Variants in LDLRAP1 observed in about 807,000 individuals in gnomAD.
LDLRAP1 encodes the protein low density lipoprotein receptor adaptor protein 1, also known as low density lipoprotein receptor adapter protein 1.
A neutral mutation model predicts 37.8 loss-of-function variants in LDLRAP1; 30 were observed. That is an observed-to-expected ratio of 0.79 (90% CI 0.59 to 1.08). The LOEUF (loss-of-function observed/expected upper bound fraction) is 1.08, where lower values mean the gene tolerates loss of function less well. Among genes scored for constraint, LDLRAP1 ranks in the 50% least tolerant of loss-of-function variants. LDLRAP1 has a pLI of 0.00. For synonymous variants in LDLRAP1, 156 were observed against 169.8 expected, an observed-to-expected ratio of 0.92 and a Z score of 0.63; for missense variants, 375 against 401.6, an observed-to-expected ratio of 0.93 and a Z score of 0.57.
chr1:25,586,633 G>T, the LDLRAP1 span, among the ~76,000 whole-genome samples: 1 of 152,064 alleles, frequency 6.6e-6, no homozygotes, highest in Non-Finnish European at 1.5e-5. The surrounding 1 kb of genome is among the most constrained non-coding windows in gnomAD (Gnocchi z 4.3). Flanking sequence ...GCTGAGTTAG[G>T]AAGTCTGGAG....
chr1:25,546,795 A>C (rs1396880239), intron 1 of LDLRAP1, among the ~76,000 whole-genome samples: 1 of 151,554 alleles, frequency 6.6e-6, no homozygotes, highest in Non-Finnish European at 1.5e-5. Flanking sequence ...ATGTGGCCCA[A>C]CACAAATTCA....
At chr1:25,577,497 C>T in the LDLRAP1 span, among the ~76,000 whole-genome samples, 1 of 152,172 alleles carries the variant, frequency 6.6e-6, no homozygotes, top group Non-Finnish European at 1.5e-5. Flanking sequence ...AGACAGTTAC[C>T]ACGCCCAGTG....
In LDLRAP1 at chr1:25,554,125, G is replaced by A. The variant is rs1310806311; in HGVS notation, c.231+61G>A. 6.2e-7 allele frequency: 1 copy of A among 1,600,154 alleles called. No homozygotes were observed. The highest frequency in any genetic ancestry group is 8.5e-7 in the Non-Finnish European group (1 of 1,174,444). ...GGACCAAGGACCAGCTTCTTCCCAG[G>A]GTGCCCTCGTCCCAGCTTGTTACTC... On this transcript the variant is annotated intron_variant, in intron 2 of 8. Coordinates refer to ENST00000374338, the MANE Select transcript of LDLRAP1 (RefSeq NM_015627.3). This position sits in a 1 kb window ranked among gnomAD's most constrained non-coding sequence, Gnocchi z 5.4.
At position 25,554,843 on chromosome 1, in the gene LDLRAP1, T is replaced by C. The variant is rs1572035316; in HGVS notation, c.232-17T>C. The C allele has an allele frequency of 6.2e-7, 1 of 1,601,250 alleles. No homozygotes were observed. Among genetic ancestry groups the C allele is most frequent in the South Asian group, 1.1e-5 (1 of 90,434 alleles). On this transcript the variant is annotated splice_polypyrimidine_tract_variant and intron_variant, in intron 2 of 8. Coordinates refer to ENST00000374338, the MANE Select transcript of LDLRAP1 (RefSeq NM_015627.3). This position sits in a 1 kb window ranked among gnomAD's most constrained non-coding sequence, Gnocchi z 5.4. The stretch of plus-strand genomic sequence containing the variant: ...AGTGAGGCTGGCAGACTCCTCTGAC[T>C]CCTGTCTGCTCCCAAGGCTAAGGCC...
the LDLRAP1 span, among the ~76,000 whole-genome samples, chr1:25,587,645 C>T: frequency 2.0e-5 from 3 of 152,074 alleles, no homozygotes; most frequent in African/African-American, 4.8e-5. Context: ...TTTCACCGAG[C>T]GGAGCTGTGG....
chr1:25,573,234 C>T (rs1290908351), downstream of LDLRAP1, among the ~76,000 whole-genome samples: 1 of 152,174 alleles, frequency 6.6e-6, no homozygotes, highest in Non-Finnish European at 1.5e-5. Flanking sequence ...CAGGCCCCGC[C>T]ACGTTGAGAC....
chr1:25,546,370 G>A (rs1235155047), intron 1 of LDLRAP1, among the ~76,000 whole-genome samples: 1 of 152,188 alleles, frequency 6.6e-6, no homozygotes, highest in East Asian at 1.9e-4. Context: ...CCAGAGAAGG[G>A]CAGCACCTTG....
chr1:25,572,564 C>T (rs1439301988), downstream of LDLRAP1, among the ~76,000 whole-genome samples: 1 of 152,146 alleles, frequency 6.6e-6, no homozygotes, highest in East Asian at 1.9e-4. Context: ...GTTCCCCAGC[C>T]CACCCACTGA....
chr1:25,566,260 A>G (rs1159506205), intron 8 of LDLRAP1, among the ~76,000 whole-genome samples: 2 of 152,084 alleles, frequency 1.3e-5, no homozygotes, highest in Non-Finnish European at 2.9e-5. Context: ...TGATCAGCTC[A>G]TCGTATTTGC....
intron 4 of LDLRAP1, among the ~76,000 whole-genome samples, chr1:25,560,583 G>A (rs1243497584): frequency 2.0e-5 from 3 of 152,212 alleles, no homozygotes; most frequent in African/African-American, 4.8e-5. Flanking sequence ...CAGGCAGCAC[G>A]GGGCCAGGCT....
At chr1:25,552,507 C>A (rs1190022188) in intron 1 of LDLRAP1, among the ~76,000 whole-genome samples, 2 of 152,210 alleles carry the variant, frequency 1.3e-5, no homozygotes, top group Non-Finnish European at 2.9e-5. Context: ...GTGTGTGAGG[C>A]TGAAGAGCAG....
the LDLRAP1 span, among the ~76,000 whole-genome samples, chr1:25,576,258 G>A: frequency 6.6e-6 from 1 of 151,290 alleles, no homozygotes; most frequent in Non-Finnish European, 1.5e-5. Flanking sequence ...CAGACGTGGT[G>A]GCTCACGCCT....
In LDLRAP1 at chr1:25,566,915, G is replaced by A. The variant is rs144622500; in HGVS notation, c.850G>A (p.Ala284Thr). 1.8e-4 allele frequency: 285 copies of A among 1,613,456 alleles called. No homozygotes were observed. Among genetic ancestry groups the A allele is most frequent in the Non-Finnish European group, 2.3e-4 (267 of 1,179,946 alleles). Residue 284 changes from alanine to threonine, a missense_variant, in exon 9 of 9, where the codon GCC becomes ACC. By Grantham distance (58) the Ala-to-Thr change is moderately conservative (BLOSUM62 0). Coordinates refer to ENST00000374338, the MANE Select transcript of LDLRAP1 (RefSeq NM_015627.3). ...CCTGACAGCCCAGGACATGCATTAC[G>A]CCCAGTGCCTCTCGCCTGTCGACTG... is the stretch of plus-strand genomic sequence containing the variant. ...TGLTAQDMHY[A>T]QCLSPVDWDK...
chr1:25,589,304 A>AAG, the LDLRAP1 span, among the ~76,000 whole-genome samples: 23 of 149,022 alleles, frequency 1.5e-4, no homozygotes, highest in African/African-American at 4.8e-4. Context: ...ACTCCATCTC[A>AAG]AAAGAAAGAA....
intron 1 of LDLRAP1, among the ~76,000 whole-genome samples, chr1:25,553,129 G>C (rs2044114540): frequency 6.6e-6 from 1 of 151,564 alleles, no homozygotes; most frequent in South Asian, 2.1e-4. Flanking sequence ...GATGCGCACA[G>C]GGAGGAAAGC....
chr1:25,547,806 A>C (rs900115710), intron 1 of LDLRAP1, among the ~76,000 whole-genome samples: 1 of 152,230 alleles, frequency 6.6e-6, no homozygotes, highest in Non-Finnish European at 1.5e-5. Context: ...GGTCCCTCTG[A>C]GAAGGTGACT....
At chr1:25,576,492 C>G in the LDLRAP1 span, among the ~76,000 whole-genome samples, 1 of 152,312 alleles carries the variant, frequency 6.6e-6, no homozygotes, top group Non-Finnish European at 1.5e-5. Context: ...TGCCACTGCG[C>G]TCTAGCCTGG....
Position 25,544,522 on chromosome 1 carries a change from T to C in LDLRAP1, c.88+736T>C, listed in dbSNP as rs560587386. On this transcript the variant is annotated intron_variant, in intron 1 of 8. Coordinates refer to ENST00000374338, the MANE Select transcript of LDLRAP1 (RefSeq NM_015627.3). The surrounding 1 kb of genome is among the most constrained non-coding windows in gnomAD (Gnocchi z 4.8). ...TTCCCCTCGGGCTTCCAGAGTCCCT[T>C]GGGTGCCCAGGCAAACGACAGACTC... is the stretch of plus-strand genomic sequence containing the variant. 5.3e-5 allele frequency among the ~76,000 whole-genome samples: 8 copies of C among 152,286 alleles called. No homozygotes were observed. Among genetic ancestry groups the C allele is most frequent in the African/African-American group, 1.7e-4 (7 of 41,570 alleles).
downstream of LDLRAP1, among the ~76,000 whole-genome samples, chr1:25,570,822 A>G (rs997382177): frequency 1.5e-4 from 23 of 152,190 alleles, no homozygotes; most frequent in African/African-American, 5.3e-4. Context: ...TCGGGCCACT[A>G]CACTCCAGCC....
Sources: gnomAD v4.1 joint callset for allele counts (sites outside exome capture counted in the v4.1 genomes callset) on GRCh38, gnomAD v4.1.1 for gene constraint, Gnocchi (gnomAD v3.1) non-coding constraint, MANE v1.5 for transcripts, NCBI Gene and HGNC (gene_info 2026-07-23, HGNC 2026-07-21) for gene names.